Variants in GRM4 observed in about 807,000 individuals in gnomAD.
GRM4 encodes metabotropic glutamate receptor 4.
Under a neutral mutation model 81.7 loss-of-function variants are expected in GRM4, and 28 were observed. The ratio of observed to expected loss-of-function variants is 0.34; its 90% confidence interval spans 0.25 to 0.47. The LOEUF is 0.47. GRM4 is among the 20% of genes least tolerant of loss of function. GRM4 has a pLI of 1.00. For missense variants in GRM4, 948 were observed against 1,290.0 expected (o/e 0.73, Z 4.06); for synonymous variants, 488 against 528.8 (o/e 0.92, Z 1.06).
In GRM4 at chr6:34,096,458, G is replaced by GT. The variant is rs370812686; in HGVS notation, c.520-4360dup. The stretch of plus-strand genomic sequence containing the variant: ...CGGCTGCCCCAAGGGCACCAGGCAC[G>GT]TCCTCCCGGTGTTACTATTCTCTGC... On this transcript the variant is annotated intron_variant, in intron 2 of 10. Transcript: ENST00000538487. 5.5e-3 allele frequency among the ~76,000 whole-genome samples: 834 copies of GT among 152,280 alleles called. 8 individuals are homozygous for GT. The highest frequency in any genetic ancestry group is 0.014 in the Middle Eastern group (4 of 294).
intron 1 of GRM4, among the ~76,000 whole-genome samples, chr6:34,153,487 A>T (rs1279380458): frequency 6.6e-6 from 1 of 152,266 alleles, no homozygotes; most frequent in Admixed American, 6.5e-5. Context: ...TTGCCTGCCC[A>T]GGGGCAAAGC....
chr6:34,137,902 T>C (rs1770525631), intron 1 of GRM4, among the ~76,000 whole-genome samples: 1 of 151,970 alleles, frequency 6.6e-6, no homozygotes, highest in Non-Finnish European at 1.5e-5. Context: ...GGCCCTCTTC[T>C]TAGTATAATA....
chr6:34,030,479 C>T (rs1764358637), intron 9 of GRM4, among the ~76,000 whole-genome samples: 1 of 152,192 alleles, frequency 6.6e-6, no homozygotes, highest in Non-Finnish European at 1.5e-5. Flanking sequence ...GGACACAGTT[C>T]TATGTCGAGG....
rs568131707 is a variant in GRM4, at chr6:34,087,671, T to C, written c.736+4212A>G. Reference sequence around the variant, plus strand: ...AGAAGTCCTGGCTGCAACCAGAAGGTCCACACGTGCCCGCACACACACACA... The same window carrying C: ...AGAAGTCCTGGCTGCAACCAGAAGGCCCACACGTGCCCGCACACACACACA... On this transcript the variant is annotated intron_variant, in intron 3 of 10. Transcript: ENST00000538487. Among the ~76,000 whole-genome samples, 6 of 146,820 alleles carry C rather than the reference T, an allele frequency of 4.1e-5. No homozygotes were observed. The East Asian group carries it at 1.0e-3, about 25-fold the overall frequency.
rs1162534647 is a variant in GRM4 at position 34,133,706 on chromosome 6, G to T, written c.-210C>A. On this transcript the variant is annotated 5_prime_UTR_variant, in exon 2 of 11. The change creates a new upstream start codon in the 5' untranslated region. Transcript: ENST00000538487. The surrounding 1 kb of genome is among the most constrained non-coding windows in gnomAD (Gnocchi z 6.5). ...CCCGCACAGTCCAGGCCCACAGACA[G>T]CAGGCAGTGGCCGGGGTTGCAGGAA... The T allele has an allele frequency of 1.5e-6, 2 of 1,308,592 alleles. No homozygotes were observed. The highest frequency in any genetic ancestry group is 3.0e-5 in the African/African-American group (2 of 66,542). 81.1% of individuals were successfully genotyped at this position (1,308,592 alleles called of 1,614,324 possible). A position where few individuals can be genotyped will look rare whatever the true frequency, so the allele number is the denominator to read the frequency against.
At chr6:34,039,310 T>G (rs897314167) in intron 8 of GRM4, among the ~76,000 whole-genome samples, 1 of 152,120 alleles carries the variant, frequency 6.6e-6, no homozygotes, top group East Asian at 1.9e-4. Context: ...GGTTCCTCGC[T>G]GGAAGAGATT....
At chr6:34,138,459 TG>T (rs1770551897) in intron 1 of GRM4, among the ~76,000 whole-genome samples, 1 of 152,226 alleles carries the variant, frequency 6.6e-6, no homozygotes, top group South Asian at 2.1e-4. Flanking sequence ...GCTGTTTAGA[TG>T]CCTCATCACC....
Position 34,069,538 on chromosome 6 carries a change from G to A in GRM4, c.737-7510C>T, listed in dbSNP as rs1450976303. 2.0e-5 allele frequency among the ~76,000 whole-genome samples: 3 copies of A among 152,196 alleles called. No homozygotes were observed. The highest frequency in any genetic ancestry group is 1.9e-4 in the East Asian group (1 of 5,174). Reference sequence around the variant, plus strand: ...GCACAGAGGGCCAGGCCTAGTTCCCGTCACCTGTCACCCCTGCCCCATCTG... The same window carrying A: ...GCACAGAGGGCCAGGCCTAGTTCCCATCACCTGTCACCCCTGCCCCATCTG... On this transcript the variant is annotated intron_variant, in intron 3 of 10. Transcript: ENST00000538487. This position sits in a 1 kb window ranked among gnomAD's most constrained non-coding sequence, Gnocchi z 6.4.
intron 2 of GRM4, among the ~76,000 whole-genome samples, chr6:34,106,978 T>A (rs1028689865): frequency 6.6e-6 from 1 of 152,206 alleles, no homozygotes; most frequent in African/African-American, 2.4e-5. Context: ...ATGAGGCAGC[T>A]GAGGAATGGA....
At chr6:34,024,537 T>C in intron 10 of GRM4, 1 of 393,770 alleles carries the variant, frequency 2.5e-6, no homozygotes, top group African/African-American at 2.1e-5. Context: ...CAGGCAGAAG[T>C]TTGGTGTCCA....
At chr6:34,137,277 T>C (rs1394158179) in intron 1 of GRM4, among the ~76,000 whole-genome samples, 1 of 152,240 alleles carries the variant, frequency 6.6e-6, no homozygotes, top group East Asian at 1.9e-4. Flanking sequence ...GGTTCCTTGG[T>C]TCCAGGGGAG....
At position 34,022,415 on chromosome 6, in the gene GRM4, G is replaced by C. The variant is rs943520879; in HGVS notation, c.*406C>G. On this transcript the variant is annotated 3_prime_UTR_variant, in exon 11 of 11. Transcript: ENST00000538487. This position sits in a 1 kb window ranked among gnomAD's most constrained non-coding sequence, Gnocchi z 5.6. ...AGAGTACAAGCAGCCGGGGACGCCA[G>C]AGAGGGAAAAGGTGAAACAAAGAGA... is the stretch of plus-strand genomic sequence containing the variant. 1 of 204,170 alleles carries C rather than the reference G, an allele frequency of 4.9e-6. No homozygotes were observed. The highest frequency in any genetic ancestry group is 9.9e-6 in the Non-Finnish European group (1 of 100,756). The allele number at this position is 204,170 out of a possible 1,614,324, so 12.6% of individuals were successfully genotyped here.
intron 2 of GRM4, among the ~76,000 whole-genome samples, chr6:34,124,797 T>G (rs911969045): frequency 1.3e-5 from 2 of 152,054 alleles, no homozygotes; most frequent in African/African-American, 4.8e-5. Context: ...GAGTTCCAGA[T>G]GGGAGACAGA....
At chr6:34,107,757 A>C (rs1769194543) in intron 2 of GRM4, among the ~76,000 whole-genome samples, 1 of 152,220 alleles carries the variant, frequency 6.6e-6, no homozygotes, top group Middle Eastern at 3.2e-3. Flanking sequence ...CTTGACGGGC[A>C]GGATGAGCCC....
At chr6:34,071,684 C>T (rs1020130227) in intron 3 of GRM4, among the ~76,000 whole-genome samples, 4 of 131,984 alleles carry the variant, frequency 3.0e-5, no homozygotes, top group Non-Finnish European at 6.3e-5. Flanking sequence ...CACACACAAT[C>T]ACCACACACC....
intron 4 of GRM4, chr6:34,060,239 G>GC (rs200075651): frequency 0.016 from 2,503 of 152,032 alleles, 74 homozygotes; most frequent in African/African-American, 0.057. Context: ...CACTGGTGTA[G>GC]CCCCCCCGCA....
intron 2 of GRM4, among the ~76,000 whole-genome samples, chr6:34,098,974 A>C: frequency 6.8e-6 from 1 of 146,454 alleles, no homozygotes. Context: ...TCTCACCTGC[A>C]CCTCCCCAGG....
In GRM4 at chr6:34,040,749, C is replaced by T. The variant is rs1316706013; in HGVS notation, c.1169-1G>A. 6.2e-7 allele frequency: 1 copy of T among 1,612,278 alleles called. No homozygotes were observed. Among genetic ancestry groups the T allele is most frequent in the Non-Finnish European group, 8.5e-7 (1 of 1,178,830 alleles). On this transcript the variant is annotated splice_acceptor_variant, in intron 6 of 10. Coordinates refer to ENST00000538487, the MANE Select transcript of GRM4 (RefSeq NM_000841.4). LOFTEE classifies it high-confidence loss of function. ...GAATCCTGCCCAATTCGCTCACGGT[C>T]TGCAATGAAACACCAGGAACAGGGA...
chr6:34,039,734 G>T (rs939749273), intron 8 of GRM4, among the ~76,000 whole-genome samples: 2 of 152,144 alleles, frequency 1.3e-5, no homozygotes, highest in East Asian at 3.9e-4. Flanking sequence ...AAATCCCACC[G>T]TTCAACCTGG....
Sources: gnomAD v4.1 joint callset for allele counts (sites outside exome capture counted in the v4.1 genomes callset) on GRCh38, gnomAD v4.1.1 for gene constraint, Gnocchi (gnomAD v3.1) non-coding constraint, MANE v1.5 for transcripts, NCBI Gene and HGNC (gene_info 2026-07-23, HGNC 2026-07-21) for gene names.